The following RNF175 variants were observed in gnomAD, a reference collection of about 807,000 sequenced individuals.
RNF175 encodes the protein ring finger protein 175.
In RNF175, 38 loss-of-function variants were observed where a neutral mutation model predicts 50.0. That is an observed-to-expected ratio of 0.76 (90% CI 0.59 to 1.00). The LOEUF is 1.00. RNF175 is among the 50% of genes least tolerant of loss of function. RNF175 has a pLI of 0.00. For missense variants in RNF175, 388 were observed against 409.6 expected (o/e 0.95, Z 0.46); for synonymous variants, 155 against 146.1 (o/e 1.06, Z -0.44).
intron 1 of RNF175, among the ~76,000 whole-genome samples, chr4:153,754,757 A>C (rs990049682): frequency 6.6e-6 from 1 of 152,190 alleles, no homozygotes; most frequent in Admixed American, 6.5e-5. Context: ...AAGGCAGAGT[A>C]GATGGCCGTG....
chr4:153,718,234 G>GTTTTTTTTTTTTT (rs1276542726), intron 6 of RNF175, among the ~76,000 whole-genome samples: 2 of 64,256 alleles, frequency 3.1e-5, no homozygotes, highest in South Asian at 7.2e-4. Flanking sequence ...TTGTTTGTTT[G>GTTTTTTTTTTTTT]TTTGTTTTTT....
intron 6 of RNF175, among the ~76,000 whole-genome samples, chr4:153,717,721 T>C (rs1427620152): frequency 6.6e-6 from 1 of 152,182 alleles, no homozygotes; most frequent in African/African-American, 2.4e-5. Flanking sequence ...GTTTCTTTTG[T>C]TTTTAGTCTT....
At chr4:153,737,614 C>T (rs866831832) in intron 3 of RNF175, among the ~76,000 whole-genome samples, 1 of 151,938 alleles carries the variant, frequency 6.6e-6, no homozygotes, top group African/African-American at 2.4e-5. Context: ...TGGAATTTTC[C>T]ATGCTTTCTG....
Position 153,748,713 on chromosome 4 carries a change from G to C in RNF175, c.178C>G (p.Leu60Val). The C allele has an allele frequency of 6.2e-7, 1 of 1,609,794 alleles. No individual in the cohort carries two copies. Among genetic ancestry groups the C allele is most frequent in the South Asian group, 1.1e-5 (1 of 89,808 alleles). The change falls in exon 3 of 9, where the codon CTC becomes GTC. Residue 60 changes from leucine to valine, a missense_variant. Coordinates refer to ENST00000347063, the MANE Select transcript of RNF175 (RefSeq NM_173662.4). ...ATCTGGGCAATGACCAGAACGCAGA[G>C]GAAGATCAAGATCATTTCCACGTGC... ...SMHVEMILIFLCVLVIAQIVL... is the reference protein window; with the variant it reads ...SMHVEMILIFVCVLVIAQIVL...
At chr4:153,740,764 T>C (rs888349705) in intron 3 of RNF175, among the ~76,000 whole-genome samples, 2 of 152,212 alleles carry the variant, frequency 1.3e-5, no homozygotes, top group African/African-American at 2.4e-5. Context: ...TGTGTTTTTT[T>C]CCTCCTTCTA....
intron 6 of RNF175, among the ~76,000 whole-genome samples, chr4:153,718,024 C>G (rs1738056021): frequency 6.6e-6 from 1 of 152,106 alleles, no homozygotes; most frequent in Non-Finnish European, 1.5e-5. Context: ...CACGCTCCTT[C>G]CCTAAAGCCT....
chr4:153,758,080 C>A (rs1234910143), intron 1 of RNF175, among the ~76,000 whole-genome samples: 1 of 152,102 alleles, frequency 6.6e-6, no homozygotes, highest in Non-Finnish European at 1.5e-5. Flanking sequence ...CAAATACACA[C>A]ATAGACATAC....
chr4:153,745,840 C>T (rs942319635), intron 3 of RNF175: 2 of 152,190 alleles, frequency 1.3e-5, no homozygotes, highest in African/African-American at 2.4e-5. Context: ...TTCATGAAGG[C>T]AGAGCCCTCA....
intron 7 of RNF175, chr4:153,715,187 TC>T (rs1165041454): frequency 1.9e-5 from 7 of 371,208 alleles, no homozygotes; most frequent in African/African-American, 1.5e-4. Flanking sequence ...TTTTCTCACC[TC>T]CAAACCCCTT....
chr4:153,744,853 G>A (rs1333081919), intron 3 of RNF175, among the ~76,000 whole-genome samples: 2 of 152,096 alleles, frequency 1.3e-5, no homozygotes, highest in Non-Finnish European at 2.9e-5. Flanking sequence ...ATAAGACAAC[G>A]GTGACATGGC....
chr4:153,755,577 A>C lies in RNF175; in HGVS notation c.67-4102T>G, dbSNP rs946722943. Among the ~76,000 whole-genome samples, 7 of 151,936 alleles carry C rather than the reference A, an allele frequency of 4.6e-5. No individual in the cohort carries two copies. The East Asian group carries it at 9.6e-4, about 21-fold the overall frequency. Reference sequence around the variant, plus strand: ...ATTGAAGAACTCAGAAAGAATTTAAAAAAAAAACCTCAAAGACATGGAAAA... The same window carrying C: ...ATTGAAGAACTCAGAAAGAATTTAACAAAAAAACCTCAAAGACATGGAAAA... On this transcript the variant is annotated intron_variant, in intron 1 of 8. Transcript: ENST00000347063.
At chr4:153,747,150 G>C (rs1035939253) in intron 3 of RNF175, among the ~76,000 whole-genome samples, 2 of 152,184 alleles carry the variant, frequency 1.3e-5, no homozygotes, top group Non-Finnish European at 2.9e-5. Flanking sequence ...TCATTTTCCT[G>C]TTGTCTTGAT....
chr4:153,724,371 G>A (rs947744797), intron 4 of RNF175, among the ~76,000 whole-genome samples: 4 of 152,230 alleles, frequency 2.6e-5, no homozygotes, highest in African/African-American at 4.8e-5. Context: ...GGATGGAAAA[G>A]CTGGGGGCTT....
chr4:153,732,470 G>A (rs1216153269), intron 3 of RNF175, among the ~76,000 whole-genome samples: 1 of 152,146 alleles, frequency 6.6e-6, no homozygotes. Flanking sequence ...AAAGATTTGA[G>A]CAGACACAAT....
At chr4:153,712,397 C>T (rs1737642689) in intron 8 of RNF175, 78 bp downstream of exon 8, 1 of 987,542 alleles carries the variant, frequency 1.0e-6, no homozygotes, top group Non-Finnish European at 1.5e-6. Flanking sequence ...TACAAAAACA[C>T]TGAAACTTTT....
intron 8 of RNF175, among the ~76,000 whole-genome samples, chr4:153,710,870 A>G (rs1737525209): frequency 2.0e-5 from 3 of 152,356 alleles, no homozygotes; most frequent in Admixed American, 2.0e-4. Flanking sequence ...CATTAGAATG[A>G]ACCCATTGTA....
intron 3 of RNF175, among the ~76,000 whole-genome samples, chr4:153,735,448 G>C (rs1739305929): frequency 2.0e-5 from 3 of 152,158 alleles, no homozygotes; most frequent in African/African-American, 4.8e-5. Context: ...AGTAAGTCTT[G>C]AAATTGGGCA....
chr4:153,724,334 G>A (rs1738539584), intron 4 of RNF175, among the ~76,000 whole-genome samples: 1 of 152,216 alleles, frequency 6.6e-6, no homozygotes, highest in Non-Finnish European at 1.5e-5. Context: ...CAGCAGAGGG[G>A]CTATGCCCAT....
chr4:153,756,271 A>T (rs13116053), intron 1 of RNF175, among the ~76,000 whole-genome samples: 12 of 151,938 alleles, frequency 7.9e-5, no homozygotes, highest in Admixed American at 7.2e-4. Context: ...TCTTTTGGCT[A>T]GCTAAATTTG....
Sources: gnomAD v4.1 joint callset for allele counts (sites outside exome capture counted in the v4.1 genomes callset) on GRCh38, gnomAD v4.1.1 for gene constraint, MANE v1.5 for transcripts, NCBI Gene and HGNC (gene_info 2026-07-23, HGNC 2026-07-21) for gene names.